PLXNB2: variants seen among roughly 807,000 people sequenced by gnomAD.
PLXNB2 encodes the protein plexin B2.
In PLXNB2, 85 loss-of-function variants were observed where a neutral mutation model predicts 202.6. The observed-to-expected ratio is 0.42, with a 90% CI of 0.35 to 0.50. The LOEUF is 0.50. PLXNB2 is among the 20% of genes least tolerant of loss of function. The pLI, the probability that PLXNB2 is intolerant of heterozygous loss-of-function variation, is 0.02. For missense variants in PLXNB2, 2,063 were observed against 2,586.2 expected (o/e 0.80, Z 4.39); for synonymous variants, 1,239 against 1,137.6 (o/e 1.09, Z -1.79).
intron 1 of PLXNB2, among the ~76,000 whole-genome samples, chr22:50,302,644 C>T (rs866892213): frequency 5.3e-5 from 8 of 152,170 alleles, no homozygotes; most frequent in Middle Eastern, 3.2e-3. Context: ...AGATCAGGCT[C>T]GGTGCCAACA....
At chr22:50,276,567 G>C (rs1251853736) in intron 35 of PLXNB2, 62 bp downstream of exon 35, 10 of 1,381,348 alleles carry the variant, frequency 7.2e-6, no homozygotes, top group African/African-American at 1.4e-5. Context: ...CTCAGGGCCA[G>C]GCTCAGCATG....
rs1177851376 is a variant in PLXNB2 at position 50,284,889 on chromosome 22, G to A, written c.2089-224C>T. The A allele has an allele frequency of 3.6e-5, 24 of 662,548 alleles. 2 individuals are homozygous for A. The highest frequency in any genetic ancestry group is 3.0e-4 in the East Asian group (10 of 32,890). 41.0% of individuals were successfully genotyped at this position (662,548 alleles called of 1,614,324 possible). On this transcript the variant is annotated intron_variant, in intron 11 of 36. Coordinates refer to ENST00000359337, the MANE Select transcript of PLXNB2 (RefSeq NM_012401.4). This position sits in a 1 kb window ranked among gnomAD's most constrained non-coding sequence, Gnocchi z 8.0. The stretch of plus-strand genomic sequence containing the variant: ...TGAACGTCCTCTGTGGGTTTCCCAC[G>A]GCCACCTCCACCACTCATCCACACC...
chr22:50,281,837 G>A lies in PLXNB2; in HGVS notation c.3345+17C>T. 6 of 1,606,606 alleles carry A rather than the reference G, an allele frequency of 3.7e-6. No homozygotes were observed. Among genetic ancestry groups the A allele is most frequent in the South Asian group, 1.1e-5 (1 of 90,796 alleles). On this transcript the variant is annotated intron_variant, in intron 20 of 36. Coordinates refer to ENST00000359337, the MANE Select transcript of PLXNB2 (RefSeq NM_012401.4). ...ACCCGAGCAGGACCCAGACACCCGG[G>A]GCTGCACCGTCCTCACCCGGGCGTG...
At chr22:50,295,789 C>A (rs1265434662) in intron 1 of PLXNB2, among the ~76,000 whole-genome samples, 1 of 152,024 alleles carries the variant, frequency 6.6e-6, no homozygotes, top group African/African-American at 2.4e-5. Flanking sequence ...CTCCAGAAGC[C>A]GTCAAACCAA....
rs1601726476 is a variant in PLXNB2, at chr22:50,289,289, G to A, written c.1069-147C>T. On this transcript the variant is annotated intron_variant, in intron 3 of 36. Transcript: ENST00000359337. This position sits in a 1 kb window ranked among gnomAD's most constrained non-coding sequence, Gnocchi z 8.0. The stretch of plus-strand genomic sequence containing the variant: ...CCGAGAACAGAACCCACATGGCAGG[G>A]AGCCCCACCGTGCTCACTGTTGTGT... 4.3e-6 allele frequency: 4 copies of A among 923,426 alleles called. No individual in the cohort carries two copies. The East Asian group carries it at 8.0e-5, about 18-fold the overall frequency. The allele number at this position is 923,426 out of a possible 1,614,324, so 57.2% of individuals were successfully genotyped here.
Position 50,281,553 on chromosome 22 carries a change from C to A in PLXNB2, c.3522+13G>T, listed in dbSNP as rs747857184. On this transcript the variant is annotated intron_variant, in intron 21 of 36. Coordinates refer to ENST00000359337, the MANE Select transcript of PLXNB2 (RefSeq NM_012401.4). The stretch of plus-strand genomic sequence containing the variant: ...CCCGTGGGGGCACCCCCCGCCAGTC[C>A]CCGCTCACGCACAATGAACTCGGGC... 8 of 1,609,644 alleles carry A rather than the reference C, an allele frequency of 5.0e-6. No individual in the cohort carries two copies. Among genetic ancestry groups the A allele is most frequent in the African/African-American group, 1.3e-5 (1 of 74,998 alleles).
chr22:50,288,573 G>A lies in PLXNB2; in HGVS notation c.1380+170C>T, dbSNP rs1410105568. Among the ~76,000 whole-genome samples, 1 of 152,234 alleles carries A rather than the reference G, an allele frequency of 6.6e-6. No homozygotes were observed. Among genetic ancestry groups the A allele is most frequent in the African/African-American group, 2.4e-5 (1 of 41,554 alleles). On this transcript the variant is annotated intron_variant, in intron 5 of 36. Transcript: ENST00000359337. The surrounding 1 kb of genome is among the most constrained non-coding windows in gnomAD (Gnocchi z 5.0). ...GGGCAGTGCTAGAGAGACACAGGATGGAGGCACTGCCCGGGACCCACCCAG... is the reference window on the plus strand; with the variant it reads ...GGGCAGTGCTAGAGAGACACAGGATAGAGGCACTGCCCGGGACCCACCCAG...
chr22:50,293,288 C>T (rs2067015791), intron 2 of PLXNB2, among the ~76,000 whole-genome samples: 1 of 152,142 alleles, frequency 6.6e-6, no homozygotes, highest in African/African-American at 2.4e-5. Flanking sequence ...CCAGGAGAGG[C>T]CCGTAGGCTA....
At position 50,281,115 on chromosome 22, in the gene PLXNB2, C is replaced by T; in HGVS notation, c.3737G>A (p.Arg1246Gln). 3 of 1,613,302 alleles carry T rather than the reference C, an allele frequency of 1.9e-6. No homozygotes were observed. Among genetic ancestry groups the T allele is most frequent in the Middle Eastern group, 1.6e-4 (1 of 6,062 alleles). ...SQLEGLEESVRDRCKKEFTDL... is the reference protein window; with the variant it reads ...SQLEGLEESVQDRCKKEFTDL... ...TGTGAATTCCTTCTTGCAGCGGTCC[C>T]GCACGCTCTCCTCCAGGCCCTCCAG... The change falls in exon 23 of 37, where the codon CGG (arginine) becomes CAG (glutamine). Residue 1246 changes from arginine to glutamine, a missense_variant. Physicochemically the swap from Arg to Gln is conservative, Grantham distance 43. Coordinates refer to ENST00000359337, the MANE Select transcript of PLXNB2 (RefSeq NM_012401.4).
chr22:50,299,641 C>A (rs1369060382), intron 1 of PLXNB2, among the ~76,000 whole-genome samples: 1 of 152,172 alleles, frequency 6.6e-6, no homozygotes, highest in Non-Finnish European at 1.5e-5. Flanking sequence ...AGGACCCCGG[C>A]CGCCCCTTCC....
chr22:50,302,514 G>A (rs1218196871), intron 1 of PLXNB2, among the ~76,000 whole-genome samples: 1 of 152,076 alleles, frequency 6.6e-6, no homozygotes, highest in Non-Finnish European at 1.5e-5. Context: ...AGGTCTAGAT[G>A]TGGAACTGGG....
chr22:50,290,532 G>A lies in PLXNB2; in HGVS notation c.53C>T (p.Ala18Val), dbSNP rs954590766. The change falls in exon 3 of 37, where the codon GCC becomes GTC. Residue 18 changes from alanine (A) to valine (V), a missense_variant. By Grantham distance (64) the Ala-to-Val change is moderately conservative (BLOSUM62 0). Transcript: ENST00000359337. The part of the protein sequence containing the change: ...LTLLGLLGAG[A>V]SLRPRKLDFF... ...GTCCAGCTTGCGGGGCCTCAGGCTG[G>A]CACCTGCGCCCAGCAGGCCCAGCAG... 1.2e-6 allele frequency: 2 copies of A among 1,612,124 alleles called. No homozygotes were observed. The highest frequency in any genetic ancestry group is 2.2e-5 in the South Asian group (2 of 91,032).
intron 1 of PLXNB2, among the ~76,000 whole-genome samples, chr22:50,300,091 C>T (rs1489990557): frequency 2.0e-5 from 3 of 152,070 alleles, no homozygotes; most frequent in Non-Finnish European, 4.4e-5. Flanking sequence ...CTCCCGGGGA[C>T]TCCGGCGCCC....
intron 1 of PLXNB2, among the ~76,000 whole-genome samples, chr22:50,298,302 C>T (rs1220851581): frequency 1.3e-5 from 2 of 152,240 alleles, no homozygotes; most frequent in African/African-American, 2.4e-5. Context: ...ACAACCTAGA[C>T]AGCCTGGGAG....
Position 50,282,802 on chromosome 22 carries a change from C to T in PLXNB2, c.2896G>A (p.Gly966Arg), listed in dbSNP as rs558571072. ...RGQMLLEVSY[G>R]GSPVPNPGIF... ...CCGGGGTTGGGCACGGGGGACCCCC[C>T]GTAGGAGACCTCCAGAAGCATCTGG... Residue 966 changes from glycine (G) to arginine (R), a missense_variant, in exon 18 of 37, where the codon GGG becomes AGG. This residue lies in a region of PLXNB2 where 1,303 missense variants were observed against 1,476.8 expected (regional missense o/e 0.88). Coordinates refer to ENST00000359337, the MANE Select transcript of PLXNB2 (RefSeq NM_012401.4). 10 of 1,611,702 alleles carry T rather than the reference C, an allele frequency of 6.2e-6. No individual in the cohort carries two copies. Among genetic ancestry groups the T allele is most frequent in the South Asian group, 3.3e-5 (3 of 91,040 alleles).
intron 2 of PLXNB2, 65 bp from the exon 3 acceptor site, chr22:50,290,662 A>G: frequency 6.9e-7 from 1 of 1,447,740 alleles, no homozygotes; most frequent in Non-Finnish European, 9.1e-7. Flanking sequence ...ATCCCTCTCC[A>G]GTCCCTGCCC....
chr22:50,305,366 G>A (rs2067846993), intron 1 of PLXNB2, among the ~76,000 whole-genome samples: 1 of 152,208 alleles, frequency 6.6e-6, no homozygotes. Context: ...TCCCCGATGT[G>A]GTCCCCATGC....
chr22:50,305,935 A>G (rs1317301014), intron 1 of PLXNB2, among the ~76,000 whole-genome samples: 1 of 152,036 alleles, frequency 6.6e-6, no homozygotes, highest in Non-Finnish European at 1.5e-5. Flanking sequence ...TCTCCAACCC[A>G]AAGGTGACGC....
At chr22:50,294,826 T>C (rs774594731) in intron 1 of PLXNB2, 48 bp from the exon 2 acceptor site, 23 of 914,610 alleles carry the variant, frequency 2.5e-5, no homozygotes, top group Non-Finnish European at 2.9e-5. Context: ...CCCGGTCTGC[T>C]GTGGAGCCCC....
Sources: allele counts gnomAD v4.1 joint callset (sites outside exome capture counted in the v4.1 genomes callset), GRCh38; gene constraint gnomAD v4.1.1; regional missense constraint gnomAD v4.1.1; non-coding constraint Gnocchi (gnomAD v3.1); transcripts MANE v1.5; gene names NCBI Gene and HGNC (gene_info 2026-07-23, HGNC 2026-07-21).